Variants in GPC6 observed in about 807,000 individuals in gnomAD.
GPC6 encodes the protein glypican-6.
Under a neutral mutation model 55.2 loss-of-function variants are expected in GPC6, and 14 were observed. The observed-to-expected ratio is 0.25, with a 90% CI of 0.17 to 0.40. The LOEUF (loss-of-function observed/expected upper bound fraction) is 0.40, where lower values mean the gene tolerates loss of function less well. GPC6 is among the 10% of genes least tolerant of loss of function. The probability of loss-of-function intolerance (pLI) is 1.00; values close to 1 mark genes in which losing one functional copy is unlikely to be tolerated. For synonymous variants in GPC6, 278 were observed against 259.6 expected, an observed-to-expected ratio of 1.07 and a Z score of -0.68; for missense variants, 641 against 708.5, an observed-to-expected ratio of 0.90 and a Z score of 1.08.
At chr13:94,232,935 A>T (rs1890774953) in intron 4 of GPC6, among the ~76,000 whole-genome samples, 2 of 151,632 alleles carry the variant, frequency 1.3e-5, no homozygotes, top group African/African-American at 2.4e-5. Context: ...GGTTAATGTA[A>T]ATGTCACATT....
chr13:93,754,828 T>C (rs1884717076), intron 2 of GPC6, among the ~76,000 whole-genome samples: 1 of 152,128 alleles, frequency 6.6e-6, no homozygotes, highest in Admixed American at 6.6e-5. Context: ...GCCACCCAAA[T>C]TGGTCTGGAA....
At chr13:93,229,243 CTT>C (rs35244715) in intron 1 of GPC6, among the ~76,000 whole-genome samples, 16 of 149,636 alleles carry the variant, frequency 1.1e-4, no homozygotes, top group South Asian at 2.1e-4. Flanking sequence ...ATCAGCTTCG[CTT>C]TTTTTTTTCC....
chr13:94,127,491 T>C (rs890309341), intron 4 of GPC6, among the ~76,000 whole-genome samples: 3 of 152,088 alleles, frequency 2.0e-5, no homozygotes, highest in African/African-American at 7.2e-5. Context: ...GAGGCAGATG[T>C]CACTATGCTT....
intron 1 of GPC6, among the ~76,000 whole-genome samples, chr13:93,502,641 A>T (rs74108570): frequency 0.05 from 7,539 of 152,214 alleles, 639 homozygotes; most frequent in African/African-American, 0.17. Context: ...AACATTTTTT[A>T]TGCTATTCAC....
intron 3 of GPC6, among the ~76,000 whole-genome samples, chr13:93,924,115 G>A (rs921228430): frequency 2.6e-5 from 4 of 152,132 alleles, no homozygotes; most frequent in Admixed American, 6.5e-5. Context: ...TCTAAATTAC[G>A]GGGTCTGTGA....
At chr13:94,361,395 T>A (rs1879053909) in intron 6 of GPC6, among the ~76,000 whole-genome samples, 1 of 152,202 alleles carries the variant, frequency 6.6e-6, no homozygotes, top group Admixed American at 6.5e-5. Context: ...GCATTTTCAT[T>A]TTGCACTGGG....
At chr13:94,299,434 T>A (rs1166388906) in intron 5 of GPC6, among the ~76,000 whole-genome samples, 1 of 152,236 alleles carries the variant, frequency 6.6e-6, no homozygotes, top group Non-Finnish European at 1.5e-5. Flanking sequence ...AATGTATGTG[T>A]CTCTCCAAAT....
At chr13:94,014,095 C>A (rs898794817) in intron 3 of GPC6, among the ~76,000 whole-genome samples, 1 of 152,050 alleles carries the variant, frequency 6.6e-6, no homozygotes, top group African/African-American at 2.4e-5. Context: ...TAATTGTTTC[C>A]TGTCTTATCC....
chr13:94,230,425 C>T (rs1452242141), intron 4 of GPC6, among the ~76,000 whole-genome samples: 1 of 152,108 alleles, frequency 6.6e-6, no homozygotes, highest in Non-Finnish European at 1.5e-5. Flanking sequence ...GGACCCTCCC[C>T]ACCATTGGTG....
intron 6 of GPC6, among the ~76,000 whole-genome samples, chr13:94,325,688 T>C (rs1405239962): frequency 6.6e-6 from 1 of 152,200 alleles, no homozygotes; most frequent in Non-Finnish European, 1.5e-5. Flanking sequence ...AAATCCCTAT[T>C]ACATATTTTT....
intron 1 of GPC6, among the ~76,000 whole-genome samples, chr13:93,511,780 T>C (rs1446440850): frequency 6.6e-6 from 1 of 152,126 alleles, no homozygotes; most frequent in Non-Finnish European, 1.5e-5. Flanking sequence ...ATTTTAATGA[T>C]ATTGATTCTT....
At chr13:94,241,517 A>G (rs1374984194) in intron 4 of GPC6, among the ~76,000 whole-genome samples, 1 of 152,172 alleles carries the variant, frequency 6.6e-6, no homozygotes, top group African/African-American at 2.4e-5. Flanking sequence ...GATGCCACAT[A>G]TCTGTGAGCA....
intron 2 of GPC6, among the ~76,000 whole-genome samples, chr13:93,827,628 T>G (rs1486062470): frequency 6.6e-6 from 1 of 152,212 alleles, no homozygotes; most frequent in Non-Finnish European, 1.5e-5. Context: ...AACTTGACTT[T>G]GAGGATCAGT....
intron 4 of GPC6, among the ~76,000 whole-genome samples, chr13:94,111,046 G>A (rs943704117): frequency 3.9e-5 from 6 of 152,080 alleles, no homozygotes; most frequent in Non-Finnish European, 8.8e-5. Flanking sequence ...TGCGCTAACA[G>A]CATCTAATTA....
intron 1 of GPC6, among the ~76,000 whole-genome samples, chr13:93,513,112 A>G (rs1401300686): frequency 2.0e-5 from 3 of 152,170 alleles, no homozygotes; most frequent in East Asian, 3.9e-4. Context: ...AGTCCCTGGA[A>G]TTAATCTTTG....
intron 2 of GPC6, among the ~76,000 whole-genome samples, chr13:93,703,112 T>G (rs1040334585): frequency 6.6e-6 from 1 of 152,072 alleles, no homozygotes; most frequent in East Asian, 1.9e-4. Flanking sequence ...TTATTTAAAA[T>G]AAGAAACTTC....
In GPC6 at chr13:94,028,436, G is replaced by C. The variant is rs574920306; in HGVS notation, c.877+542G>C. Among the ~76,000 whole-genome samples the C allele has an allele frequency of 2.6e-5, 4 of 151,800 alleles. No homozygotes were observed. In the East Asian group the frequency reaches 7.7e-4, roughly 29 times the overall value. On this transcript the variant is annotated intron_variant, in intron 4 of 8. Coordinates refer to ENST00000377047, the MANE Select transcript of GPC6 (RefSeq NM_005708.5). ...CTATATTGAGCTAACTGTTCTCTCTGATGAAAACAAAAGTAATCTTGTTGA... is the reference window on the plus strand; with the variant it reads ...CTATATTGAGCTAACTGTTCTCTCTCATGAAAACAAAAGTAATCTTGTTGA...
intron 2 of GPC6, among the ~76,000 whole-genome samples, chr13:93,588,204 G>A (rs1486980863): frequency 1.3e-5 from 2 of 152,264 alleles, no homozygotes; most frequent in South Asian, 2.1e-4. Flanking sequence ...TTAGTTTTGT[G>A]TATTAAGAGG....
At chr13:94,399,372 T>G (rs1881030516) in intron 8 of GPC6, among the ~76,000 whole-genome samples, 1 of 152,258 alleles carries the variant, frequency 6.6e-6, no homozygotes, top group Admixed American at 6.5e-5. Flanking sequence ...GACTATTAAG[T>G]GAACATTGAC....
Sources: allele counts gnomAD v4.1 joint callset (sites outside exome capture counted in the v4.1 genomes callset), GRCh38; gene constraint gnomAD v4.1.1; transcripts MANE v1.5; gene names NCBI Gene and HGNC (gene_info 2026-07-23, HGNC 2026-07-21).